Variants in TRMT11 observed in about 807,000 individuals in gnomAD.
TRMT11 encodes tRNA (guanine(10)-N(2))-methyltransferase TRMT11.
Under a neutral mutation model 62.8 loss-of-function variants are expected in TRMT11, and 53 were observed. That is an observed-to-expected ratio of 0.84 (90% confidence interval 0.68 to 1.06). The LOEUF is 1.06. Ranked by LOEUF, TRMT11 falls within the 50% of genes least tolerant of loss-of-function variation. TRMT11 has a pLI of 0.00. For missense variants in TRMT11, 556 were observed against 553.4 expected, an observed-to-expected ratio of 1.00 and a Z score of -0.05; for synonymous variants, 188 against 190.3, an observed-to-expected ratio of 0.99 and a Z score of 0.10.
chr6:126,267,547 A>T, the TRMT11 span, among the ~76,000 whole-genome samples: 1 of 152,294 alleles, frequency 6.6e-6, no homozygotes, highest in African/African-American at 2.4e-5. Context: ...TCTTCCATTA[A>T]ATTATTATAA....
chr6:126,241,053 T>A, the TRMT11 span, among the ~76,000 whole-genome samples: 1 of 152,230 alleles, frequency 6.6e-6, no homozygotes, highest in Non-Finnish European at 1.5e-5. Flanking sequence ...CTAAGACAAT[T>A]GGAAAAGCGC....
At chr6:126,068,383 T>C (rs1776751040) in intron 17 of TRMT11, among the ~76,000 whole-genome samples, 1 of 152,204 alleles carries the variant, frequency 6.6e-6, no homozygotes, top group African/African-American at 2.4e-5. Flanking sequence ...ACATATAATC[T>C]CCTATGTTAT....
chr6:126,070,545 C>T (rs1776822451), intron 17 of TRMT11, among the ~76,000 whole-genome samples: 1 of 152,162 alleles, frequency 6.6e-6, no homozygotes, highest in South Asian at 2.1e-4. Context: ...GGAATCATCC[C>T]GTTAGTGGGA....
chr6:126,082,252 A>T (rs1274874188), intron 17 of TRMT11, among the ~76,000 whole-genome samples: 1 of 152,124 alleles, frequency 6.6e-6, no homozygotes, highest in African/African-American at 2.4e-5. Context: ...GATAATATGT[A>T]TGTCCTATTG....
intron 17 of TRMT11, among the ~76,000 whole-genome samples, chr6:126,060,001 G>C (rs1776484566): frequency 6.6e-6 from 1 of 152,154 alleles, no homozygotes; most frequent in South Asian, 2.1e-4. Flanking sequence ...TAAAAATCAT[G>C]GTCAATGGAA....
chr6:125,997,766 C>T (rs1791784282), intron 3 of TRMT11, among the ~76,000 whole-genome samples: 1 of 152,192 alleles, frequency 6.6e-6, no homozygotes, highest in African/African-American at 2.4e-5. Context: ...ACCTCGGCCT[C>T]CCAAGATGCT....
intron 21 of TRMT11, among the ~76,000 whole-genome samples, chr6:126,144,073 T>C (rs74881686): frequency 6.6e-4 from 101 of 152,336 alleles, no homozygotes; most frequent in African/African-American, 2.4e-3. Flanking sequence ...AATTAATAGC[T>C]GCTTTTGAGT....
chr6:126,133,840 A>G (rs1043254243), intron 21 of TRMT11, among the ~76,000 whole-genome samples: 1 of 151,950 alleles, frequency 6.6e-6, no homozygotes, highest in African/African-American at 2.4e-5. Context: ...CACCTCTGAA[A>G]TAAATTTTGT....
chr6:126,160,932 GTACA>G, intron 21 of TRMT11, among the ~76,000 whole-genome samples: 1 of 152,090 alleles, frequency 6.6e-6, no homozygotes. Context: ...AGAAATAAAA[GTACA>G]GAAAGTTTAG....
chr6:126,071,425 A>T (rs1776851979), intron 17 of TRMT11, among the ~76,000 whole-genome samples: 1 of 151,808 alleles, frequency 6.6e-6, no homozygotes, highest in African/African-American at 2.4e-5. Flanking sequence ...CTGTAAGTCC[A>T]CAGAGCTTGG....
Position 126,136,945 on chromosome 6 carries a change from G to GAA in TRMT11, c.*1823+21099_*1823+21100dup, listed in dbSNP as rs71272315. On this transcript the variant is annotated intron_variant and NMD_transcript_variant, in intron 21 of 22. Transcript: ENST00000648977. ...ACAGGATATCCATATGTAGAAAAATGAAAAAAAAAAGACCCCTACCTTTCA... is the reference window on the plus strand; with the variant it reads ...ACAGGATATCCATATGTAGAAAAATGAAAAAAAAAAAAGACCCCTACCTTTCA... 8.5e-4 allele frequency among the ~76,000 whole-genome samples: 123 copies of GAA among 145,046 alleles called. 3 individuals carry two copies. The highest frequency in any genetic ancestry group is 1.7e-3 in the South Asian group (8 of 4,582).
intron 17 of TRMT11, among the ~76,000 whole-genome samples, chr6:126,111,115 T>C (rs984107243): frequency 2.6e-5 from 4 of 152,080 alleles, no homozygotes; most frequent in Admixed American, 2.6e-4. Flanking sequence ...CTGCATGATC[T>C]AACACTTTAA....
At chr6:126,116,884 G>A (rs1289032491) in intron 21 of TRMT11, among the ~76,000 whole-genome samples, 1 of 152,048 alleles carries the variant, frequency 6.6e-6, no homozygotes, top group Non-Finnish European at 1.5e-5. Context: ...CTCCTTCACT[G>A]TCTTGACACT....
intron 1 of TRMT11, among the ~76,000 whole-genome samples, chr6:125,989,459 T>C (rs1215830400): frequency 6.6e-6 from 1 of 152,156 alleles, no homozygotes; most frequent in Non-Finnish European, 1.5e-5. Flanking sequence ...CTGACTGTTT[T>C]TCATTTTAAG....
chr6:126,134,567 G>A (rs1189427607), intron 21 of TRMT11, among the ~76,000 whole-genome samples: 2 of 151,690 alleles, frequency 1.3e-5, no homozygotes, highest in African/African-American at 4.8e-5. Context: ...TCAACACCCC[G>A]CTTTTGGCAA....
At chr6:126,019,044 C>A (rs1030037018) in intron 11 of TRMT11, among the ~76,000 whole-genome samples, 3 of 152,046 alleles carry the variant, frequency 2.0e-5, no homozygotes, top group Non-Finnish European at 4.4e-5. Context: ...CCATGCCTGG[C>A]TAATTTTGTA....
chr6:125,993,921 T>G, intron 2 of TRMT11, 99 bp downstream of exon 2: 1 of 673,646 alleles, frequency 1.5e-6, no homozygotes, highest in Non-Finnish European at 2.4e-6. Flanking sequence ...ATTTGTATGG[T>G]TACTTGTATC....
intron 21 of TRMT11, among the ~76,000 whole-genome samples, chr6:126,117,899 A>G (rs1298524638): frequency 1.3e-5 from 2 of 152,120 alleles, no homozygotes; most frequent in Non-Finnish European, 2.9e-5. Context: ...TTCCTATTCC[A>G]TAATGCAAAA....
chr6:126,073,906 T>C (rs996271059), intron 17 of TRMT11, among the ~76,000 whole-genome samples: 3 of 152,102 alleles, frequency 2.0e-5, no homozygotes, highest in Non-Finnish European at 4.4e-5. Flanking sequence ...AACACCTCCT[T>C]CTTCACATGG....
Sources: gnomAD v4.1 joint callset for allele counts (sites outside exome capture counted in the v4.1 genomes callset) on GRCh38, gnomAD v4.1.1 for gene constraint, MANE v1.5 for transcripts, NCBI Gene and HGNC (gene_info 2026-07-23, HGNC 2026-07-21) for gene names.